Variants in MSH4 observed in about 807,000 individuals in gnomAD.
The protein encoded by MSH4 is mutS protein homolog 4.
Under a neutral mutation model 113.7 loss-of-function variants are expected in MSH4, and 106 were observed. The observed-to-expected ratio is 0.93, with a 90% CI of 0.80 to 1.10. The LOEUF (loss-of-function observed/expected upper bound fraction) is 1.10, where lower values mean the gene tolerates loss of function less well. Among genes scored for constraint, MSH4 ranks in the 50% least tolerant of loss-of-function variants. The pLI is 0.00. For missense variants in MSH4, 1,061 were observed against 1,093.7 expected (o/e 0.97, Z 0.42); for synonymous variants, 368 against 380.2 (o/e 0.97, Z 0.37).
intron 8 of MSH4, among the ~76,000 whole-genome samples, chr1:75,848,930 ATATTAT>A (rs989628468): frequency 6.6e-6 from 1 of 151,998 alleles, no homozygotes; most frequent in Non-Finnish European, 1.5e-5. Flanking sequence ...TAGTCTTCAA[ATATTAT>A]TATTATTATT....
intron 7 of MSH4, among the ~76,000 whole-genome samples, chr1:75,833,909 G>A (rs1029134516): frequency 2.0e-5 from 3 of 152,146 alleles, no homozygotes; most frequent in African/African-American, 7.2e-5. Flanking sequence ...AAAAGCAATG[G>A]CAACAAAAGC....
At chr1:75,828,964 C>G (rs1387382781) in intron 7 of MSH4, among the ~76,000 whole-genome samples, 1 of 152,098 alleles carries the variant, frequency 6.6e-6, no homozygotes, top group Non-Finnish European at 1.5e-5. Context: ...ACAGTGGGTA[C>G]AGCCCATGGA....
At position 75,897,960 on chromosome 1, in the gene MSH4, G is replaced by A. The variant is rs2100588271; in HGVS notation, c.2409G>A (p.Leu803=). ...TGGAACTATGCCATATTGATGCCCTGTATCCTAATGTAGAAAACATGCATT... is the reference window on the plus strand; with the variant it reads ...TGGAACTATGCCATATTGATGCCCTATATCCTAATGTAGAAAACATGCATT... ...HFLELCHIDA[L]YPNVENMHFE... The change falls in exon 18 of 20, where the codon CTG becomes CTA. Residue 803 remains leucine, a synonymous_variant. Coordinates refer to ENST00000263187, the MANE Select transcript of MSH4 (RefSeq NM_002440.4). 6.2e-7 allele frequency: 1 copy of A among 1,602,598 alleles called. No homozygotes were observed. The highest frequency in any genetic ancestry group is 8.5e-7 in the Non-Finnish European group (1 of 1,174,312).
chr1:75,885,525 A>G (rs1652058863), intron 15 of MSH4, among the ~76,000 whole-genome samples: 1 of 120,008 alleles, frequency 8.3e-6, no homozygotes, highest in African/African-American at 3.1e-5. Flanking sequence ...CTTCACATTT[A>G]TTTCACATTT....
chr1:75,813,494 A>G (rs551104571), intron 4 of MSH4, among the ~76,000 whole-genome samples: 107 of 152,212 alleles, frequency 7.0e-4, no homozygotes, highest in African/African-American at 2.5e-3. Context: ...AGTTTTTTTC[A>G]TCAGTAAATT....
intron 7 of MSH4, among the ~76,000 whole-genome samples, chr1:75,822,802 T>C (rs1251275): frequency 0.79 from 120,214 of 151,278 alleles, 48,217 homozygotes; most frequent in South Asian, 0.9. Flanking sequence ...TTCTTTTCCA[T>C]TTTTTTCTGT....
Position 75,900,295 on chromosome 1 carries a change from T to TTTTG in MSH4, c.2619+609_2619+612dup, listed in dbSNP as rs201768405. Among the ~76,000 whole-genome samples, 30 of 151,684 alleles carry TTTTG rather than the reference T, an allele frequency of 2.0e-4. No individual in the cohort carries two copies. In the East Asian group the frequency reaches 3.7e-3, roughly 19 times the overall value. On this transcript the variant is annotated intron_variant, in intron 19 of 19. Transcript: ENST00000263187. ...TATATAAGTGTTTTTGGTTTTGGGGTTTTGTTTGTTTGTTTGTTTGTTTAA... is the reference window on the plus strand; with the variant it reads ...TATATAAGTGTTTTTGGTTTTGGGGTTTTGTTTGTTTGTTTGTTTGTTTGTTTAA...
intron 7 of MSH4, among the ~76,000 whole-genome samples, chr1:75,833,330 G>A (rs76474997): frequency 6.6e-6 from 1 of 152,164 alleles, no homozygotes; most frequent in African/African-American, 2.4e-5. Context: ...TGGATAGGAA[G>A]AATCAATATT....
At chr1:75,874,957 A>G (rs1289913552) in intron 9 of MSH4, among the ~76,000 whole-genome samples, 1 of 152,088 alleles carries the variant, frequency 6.6e-6, no homozygotes, top group Admixed American at 6.5e-5. Context: ...CAGTGGTGCA[A>G]TCTCAGCTCA....
intron 6 of MSH4, among the ~76,000 whole-genome samples, chr1:75,817,636 T>C (rs1456304811): frequency 6.6e-6 from 1 of 152,188 alleles, no homozygotes; most frequent in Admixed American, 6.5e-5. Context: ...GAAAGAATCC[T>C]CAGGTTAAAA....
chr1:75,846,295 C>T (rs1651075877), intron 7 of MSH4, among the ~76,000 whole-genome samples: 1 of 152,198 alleles, frequency 6.6e-6, no homozygotes, highest in African/African-American at 2.4e-5. Flanking sequence ...TATTCTCCCC[C>T]AAACATACAT....
chr1:75,825,181 C>T (rs1650520269), intron 7 of MSH4, among the ~76,000 whole-genome samples: 1 of 152,032 alleles, frequency 6.6e-6, no homozygotes, highest in African/African-American at 2.4e-5. Flanking sequence ...TCCTTCACTT[C>T]CCTTGTAAGT....
In MSH4 at chr1:75,897,963, T is replaced by C; in HGVS notation, c.2412T>C (p.Tyr804=). ...FLELCHIDAL[Y]PNVENMHFEV... ...AACTATGCCATATTGATGCCCTGTA[T>C]CCTAATGTAGAAAACATGCATTTTG... Residue 804 remains tyrosine (Y), a synonymous_variant, in exon 18 of 20, where the codon TAT becomes TAC. Coordinates refer to ENST00000263187, the MANE Select transcript of MSH4 (RefSeq NM_002440.4). The C allele has an allele frequency of 6.2e-7, 1 of 1,604,896 alleles. No homozygotes were observed. Among genetic ancestry groups the C allele is most frequent in the Non-Finnish European group, 8.5e-7 (1 of 1,175,402 alleles).
intron 19 of MSH4, 93 bp from the exon 20 acceptor site, chr1:75,912,603 A>G (rs1352764385): frequency 3.9e-6 from 3 of 771,512 alleles, no homozygotes; most frequent in Middle Eastern, 3.9e-4. Flanking sequence ...CCATATGTCT[A>G]TGGAAGGAGA....
At chr1:75,810,237 T>C (rs76845653) in intron 3 of MSH4, among the ~76,000 whole-genome samples, 7 of 39,988 alleles carry the variant, frequency 1.8e-4, no homozygotes, top group Non-Finnish European at 2.6e-4. Flanking sequence ...TGGTGTTTGT[T>C]TGTCTGTTTT....
intron 7 of MSH4, among the ~76,000 whole-genome samples, chr1:75,826,874 C>G (rs540246242): frequency 6.6e-6 from 1 of 152,088 alleles, no homozygotes; most frequent in African/African-American, 2.4e-5. Context: ...GTTTTACTTA[C>G]AATTATGTGG....
chr1:75,885,053 G>GTATATATATATATA (rs1440812710), intron 15 of MSH4, among the ~76,000 whole-genome samples: 5 of 103,692 alleles, frequency 4.8e-5, no homozygotes, highest in African/African-American at 2.0e-4. Flanking sequence ...GTGTGTGTGT[G>GTATATATATATATA]TGTGTGTATA....
chr1:75,866,441 G>A (rs1000732302), intron 8 of MSH4, among the ~76,000 whole-genome samples: 3 of 152,086 alleles, frequency 2.0e-5, no homozygotes, highest in Non-Finnish European at 4.4e-5. Flanking sequence ...TGGGATTACC[G>A]ACATAAGCCA....
At chr1:75,883,198 G>A (rs1375398264) in intron 14 of MSH4, among the ~76,000 whole-genome samples, 4 of 149,088 alleles carry the variant, frequency 2.7e-5, no homozygotes, top group African/African-American at 9.9e-5. Context: ...GTAGAGATAG[G>A]GTTTGACCAT....
Sources: gnomAD v4.1 joint callset for allele counts (sites outside exome capture counted in the v4.1 genomes callset) on GRCh38, gnomAD v4.1.1 for gene constraint, MANE v1.5 for transcripts, NCBI Gene and HGNC (gene_info 2026-07-23, HGNC 2026-07-21) for gene names.